CWF19L2: variants seen among roughly 807,000 people sequenced by gnomAD.
The protein encoded by CWF19L2 is CWF19-like protein 2.
Under a neutral mutation model 111.7 loss-of-function variants are expected in CWF19L2, and 98 were observed. The ratio of observed to expected loss-of-function variants is 0.88; its 90% CI spans 0.75 to 1.04. CWF19L2 has a LOEUF of 1.04. CWF19L2 is among the 50% of genes least tolerant of loss of function. The probability of loss-of-function intolerance (pLI) is 0.00; values close to 1 mark genes in which losing one functional copy is unlikely to be tolerated. For synonymous variants in CWF19L2, 351 were observed against 342.9 expected (o/e 1.02, Z -0.26); for missense variants, 1,101 against 1,051.4 (o/e 1.05, Z -0.65).
chr11:107,344,861 G>A (rs184045085), intron 14 of CWF19L2, among the ~76,000 whole-genome samples: 1,965 of 152,252 alleles, frequency 0.013, 23 homozygotes, highest in South Asian at 0.038. Flanking sequence ...TCCATCAGAA[G>A]AAAGGGAGAT....
chr11:107,442,174 C>G (rs76372747), intron 4 of CWF19L2, among the ~76,000 whole-genome samples: 4 of 152,128 alleles, frequency 2.6e-5, no homozygotes, highest in African/African-American at 7.2e-5. Context: ...CAATCAAAAG[C>G]ATGAAAGCCT....
rs1861432313 is a variant in CWF19L2, at chr11:107,429,435, T to C, written c.797A>G (p.Gln266Arg). Residue 266 changes from glutamine to arginine, a missense_variant, in exon 8 of 18, where the codon CAG becomes CGG. Coordinates refer to ENST00000282251, the MANE Select transcript of CWF19L2 (RefSeq NM_152434.3). Reference protein sequence around the residue: ...AERYGSMEIFQSKLEDAEKAA... With the variant: ...AERYGSMEIFRSKLEDAEKAA... ...TTTTTCAGCATCTTCTAATTTTGAC[T>C]GAAATATTTCCATTGACTACAAAGG... is the stretch of plus-strand genomic sequence containing the variant. 1.3e-6 allele frequency: 2 copies of C among 1,553,842 alleles called. No individual in the cohort carries two copies.
Position 107,331,674 on chromosome 11 carries a change from G to T in CWF19L2, c.2440-1655C>A, listed in dbSNP as rs532014762. Among the ~76,000 whole-genome samples the T allele has an allele frequency of 3.3e-5, 5 of 152,306 alleles. No homozygotes were observed. The East Asian group carries it at 9.6e-4, about 29-fold the overall frequency. On this transcript the variant is annotated intron_variant, in intron 16 of 17. Coordinates refer to ENST00000282251, the MANE Select transcript of CWF19L2 (RefSeq NM_152434.3). ...CAGATTTTTGAAATAAATCTATGGC[G>T]TTTTAGGCCAATATGTTTGTGGTAA...
intron 17 of CWF19L2, among the ~76,000 whole-genome samples, chr11:107,327,786 G>A (rs1859782174): frequency 6.6e-6 from 1 of 152,088 alleles, no homozygotes; most frequent in Non-Finnish European, 1.5e-5. Flanking sequence ...TGCTTAGAGG[G>A]AGGGCAGTAT....
chr11:107,380,603 G>A (rs1431659167), intron 12 of CWF19L2, among the ~76,000 whole-genome samples: 1 of 152,132 alleles, frequency 6.6e-6, no homozygotes, highest in Non-Finnish European at 1.5e-5. Flanking sequence ...AGACACTGTT[G>A]GAACCTATGT....
intron 17 of CWF19L2, among the ~76,000 whole-genome samples, chr11:107,327,480 G>A (rs1394322013): frequency 2.6e-5 from 4 of 152,158 alleles, no homozygotes; most frequent in Non-Finnish European, 4.4e-5. Flanking sequence ...CTGCTACCAA[G>A]TATATTTATA....
intron 12 of CWF19L2, among the ~76,000 whole-genome samples, chr11:107,376,184 T>C (rs1415337869): frequency 8.1e-6 from 1 of 124,160 alleles, no homozygotes; most frequent in African/African-American, 3.4e-5. Flanking sequence ...CTACCAGAGG[T>C]ACAAGGAGGA....
At chr11:107,440,468 G>A (rs1455878845) in intron 5 of CWF19L2, among the ~76,000 whole-genome samples, 1 of 152,080 alleles carries the variant, frequency 6.6e-6, no homozygotes, top group African/African-American at 2.4e-5. Context: ...TTCTTAGTTT[G>A]TATCAAAAAA....
chr11:107,450,691 CGAT>C (rs1477370462), intron 3 of CWF19L2, among the ~76,000 whole-genome samples: 2 of 151,874 alleles, frequency 1.3e-5, no homozygotes, highest in African/African-American at 2.4e-5. Flanking sequence ...TTTAAAAAGA[CGAT>C]GAAAACACAC....
chr11:107,440,106 G>A (rs1304886221), intron 5 of CWF19L2, among the ~76,000 whole-genome samples: 1 of 152,114 alleles, frequency 6.6e-6, no homozygotes, highest in Non-Finnish European at 1.5e-5. Flanking sequence ...TCTAGAGAAG[G>A]GGGAAAGACA....
chr11:107,383,067 C>G (rs1323668892), intron 12 of CWF19L2, among the ~76,000 whole-genome samples: 15 of 152,216 alleles, frequency 9.9e-5, no homozygotes, highest in Admixed American at 9.8e-4. Flanking sequence ...CGTCTCTTCA[C>G]CTATATCCTT....
chr11:107,380,707 C>A (rs1860672630), intron 12 of CWF19L2, among the ~76,000 whole-genome samples: 1 of 152,144 alleles, frequency 6.6e-6, no homozygotes, highest in Non-Finnish European at 1.5e-5. Flanking sequence ...TATGGTCTAG[C>A]AATTCCATGT....
At chr11:107,426,346 G>T (rs1039297464) in intron 8 of CWF19L2, among the ~76,000 whole-genome samples, 1 of 151,864 alleles carries the variant, frequency 6.6e-6, no homozygotes, top group African/African-American at 2.4e-5. Context: ...AATACTATCA[G>T]CAAGAAGTAG....
Position 107,329,699 on chromosome 11 carries a change from C to T in CWF19L2, c.2541+219G>A, listed in dbSNP as rs111519083. ...CAACCATTATAGTAATTGTTGACACCGTCAAGAAATGTTTGGTTCCAAAGT... is the reference window on the plus strand; with the variant it reads ...CAACCATTATAGTAATTGTTGACACTGTCAAGAAATGTTTGGTTCCAAAGT... On this transcript the variant is annotated intron_variant, in intron 17 of 17. Transcript: ENST00000282251. Among the ~76,000 whole-genome samples, 684 of 152,162 alleles carry T rather than the reference C, an allele frequency of 4.5e-3. 3 individuals are homozygous for T. The highest frequency in any genetic ancestry group is 0.016 in the African/African-American group (650 of 41,538).
At chr11:107,389,535 G>A (rs2134593482) in intron 12 of CWF19L2, among the ~76,000 whole-genome samples, 1 of 152,130 alleles carries the variant, frequency 6.6e-6, no homozygotes, top group South Asian at 2.1e-4. Context: ...AGACTTCAAT[G>A]GAAGAAACTG....
At chr11:107,409,301 G>A (rs762105871) in intron 10 of CWF19L2, among the ~76,000 whole-genome samples, 41 of 152,116 alleles carry the variant, frequency 2.7e-4, no homozygotes, top group Admixed American at 4.6e-4. Context: ...AATGATGAAT[G>A]TATCTGTTTA....
At chr11:107,439,054 A>AAAC in intron 6 of CWF19L2, 36 bp downstream of exon 6, 1 of 978,746 alleles carries the variant, frequency 1.0e-6, no homozygotes, top group Non-Finnish European at 1.5e-6. Context: ...AAAAAAAAAA[A>AAAC]AACCCTGTGT....
rs1413408654 is a variant in CWF19L2, at chr11:107,442,973, TC to T, written c.415del (p.Glu139LysfsTer17). 3 of 1,551,550 alleles carry T rather than the reference TC, an allele frequency of 1.9e-6. No homozygotes were observed. The highest frequency in any genetic ancestry group is 2.6e-6 in the Non-Finnish European group (3 of 1,146,794). ...DKEKAWKVKD[E>X]KSGKDDTQII... The stretch of plus-strand genomic sequence containing the variant: ...TTGGGTGTCATCTTTTCCTGACTTT[TC>T]ATCTTTCACTTTCCAGGCTTTTTCC... On this transcript the variant is annotated frameshift_variant, in exon 4 of 18. Transcript: ENST00000282251. LOFTEE classifies it high-confidence loss of function.
intron 17 of CWF19L2, among the ~76,000 whole-genome samples, chr11:107,329,088 G>T (rs533198193): frequency 2.6e-5 from 4 of 152,216 alleles, no homozygotes; most frequent in South Asian, 2.1e-4. Context: ...AGTTCACCAA[G>T]GCCCCTCTTT....
Sources: allele counts gnomAD v4.1 joint callset (sites outside exome capture counted in the v4.1 genomes callset), GRCh38; gene constraint gnomAD v4.1.1; transcripts MANE v1.5; gene names NCBI Gene and HGNC (gene_info 2026-07-23, HGNC 2026-07-21).